Variants in PLXDC2 observed in about 807,000 individuals in gnomAD.
PLXDC2 encodes the protein plexin domain containing 2.
A neutral mutation model predicts 68.9 loss-of-function variants in PLXDC2; 40 were observed. That is an observed-to-expected ratio of 0.58 (90% confidence interval 0.45 to 0.76). The LOEUF (loss-of-function observed/expected upper bound fraction) is 0.76. Among genes scored for constraint, PLXDC2 ranks in the 30% least tolerant of loss-of-function variants. The pLI is 0.00. For synonymous variants in PLXDC2, 243 were observed against 234.2 expected, an observed-to-expected ratio of 1.04 and a Z score of -0.34; for missense variants, 644 against 661.9, an observed-to-expected ratio of 0.97 and a Z score of 0.30.
intron 1 of PLXDC2, among the ~76,000 whole-genome samples, chr10:19,889,974 A>G (rs1432932269): frequency 6.6e-6 from 1 of 152,210 alleles, no homozygotes; most frequent in Non-Finnish European, 1.5e-5. Flanking sequence ...CAGGTAGAAT[A>G]AGTAGCAGAA....
intron 12 of PLXDC2, among the ~76,000 whole-genome samples, chr10:20,225,425 A>G (rs1835273472): frequency 6.6e-6 from 1 of 151,408 alleles, no homozygotes. Flanking sequence ...GAGCAAAGGG[A>G]AACTGTTATT....
intron 1 of PLXDC2, among the ~76,000 whole-genome samples, chr10:19,991,463 A>C (rs1167102544): frequency 3.9e-5 from 6 of 151,932 alleles, no homozygotes. Context: ...TTTTCAAATC[A>C]AAATATTTCA....
intron 6 of PLXDC2, among the ~76,000 whole-genome samples, chr10:20,163,340 A>G (rs1258845637): frequency 6.6e-6 from 1 of 152,220 alleles, no homozygotes; most frequent in Non-Finnish European, 1.5e-5. Context: ...TTAACAAAAT[A>G]GCCCTTTCAC....
intron 3 of PLXDC2, among the ~76,000 whole-genome samples, chr10:20,062,941 G>A (rs965324692): frequency 2.6e-5 from 4 of 151,424 alleles, no homozygotes; most frequent in Admixed American, 6.6e-5. Flanking sequence ...AATACTTGAC[G>A]TAAATAAATG....
At chr10:20,278,862 G>A (rs768932495) in intron 13 of PLXDC2, among the ~76,000 whole-genome samples, 9 of 152,134 alleles carry the variant, frequency 5.9e-5, no homozygotes, top group Non-Finnish European at 1.0e-4. Flanking sequence ...TGGAGTAATA[G>A]TTTCTAGTGT....
chr10:19,820,928 A>G (rs1836456130), intron 1 of PLXDC2, among the ~76,000 whole-genome samples: 1 of 152,092 alleles, frequency 6.6e-6, no homozygotes, highest in African/African-American at 2.4e-5. Context: ...AAATACAAAA[A>G]TTAGCCGTGT....
chr10:19,875,927 A>G (rs138493850), intron 1 of PLXDC2, among the ~76,000 whole-genome samples: 25 of 152,260 alleles, frequency 1.6e-4, no homozygotes, highest in African/African-American at 6.0e-4. Flanking sequence ...ATGTGTGCAA[A>G]AGCAGTCTAT....
intron 4 of PLXDC2, among the ~76,000 whole-genome samples, chr10:20,121,268 G>A (rs76846818): frequency 0.052 from 7,882 of 152,196 alleles, 354 homozygotes; most frequent in African/African-American, 0.12. Flanking sequence ...GAGACATGAT[G>A]GCTAGGCTAA....
At chr10:20,123,220 T>G (rs1404881939) in intron 4 of PLXDC2, among the ~76,000 whole-genome samples, 1 of 151,786 alleles carries the variant, frequency 6.6e-6, no homozygotes, top group Non-Finnish European at 1.5e-5. Flanking sequence ...AGGAGCAGCC[T>G]GGGGAGGAGG....
At chr10:19,826,720 A>T (rs773510762) in intron 1 of PLXDC2, among the ~76,000 whole-genome samples, 1 of 152,216 alleles carries the variant, frequency 6.6e-6, no homozygotes, top group African/African-American at 2.4e-5. Flanking sequence ...TTGGCTTTAA[A>T]GTTTTTATGT....
At chr10:20,275,498 G>A (rs1182367062) in intron 13 of PLXDC2, among the ~76,000 whole-genome samples, 5 of 152,216 alleles carry the variant, frequency 3.3e-5, no homozygotes, top group African/African-American at 1.2e-4. Context: ...GGCTCGGGGA[G>A]CGCACGCAAG....
At chr10:20,273,126 A>G (rs1242991083) in intron 13 of PLXDC2, among the ~76,000 whole-genome samples, 5 of 152,232 alleles carry the variant, frequency 3.3e-5, no homozygotes, top group African/African-American at 9.6e-5. Flanking sequence ...AGGCACTTCA[A>G]TTCTGCCATT....
chr10:20,075,077 A>G (rs1836415955), intron 4 of PLXDC2, among the ~76,000 whole-genome samples: 1 of 152,206 alleles, frequency 6.6e-6, no homozygotes, highest in East Asian at 1.9e-4. Context: ...ATTCTCTGAG[A>G]TAGACCTCCA....
chr10:19,940,649 A>C (rs1833804142), intron 1 of PLXDC2, among the ~76,000 whole-genome samples: 1 of 152,152 alleles, frequency 6.6e-6, no homozygotes, highest in Non-Finnish European at 1.5e-5. Context: ...CAAGAAATAA[A>C]AGAATACATG....
chr10:19,961,324 T>A (rs1232218677), intron 1 of PLXDC2, among the ~76,000 whole-genome samples: 2 of 152,268 alleles, frequency 1.3e-5, no homozygotes, highest in Non-Finnish European at 2.9e-5. Flanking sequence ...GGTACTCTGA[T>A]GATCAATGTG....
intron 1 of PLXDC2, among the ~76,000 whole-genome samples, chr10:19,857,657 A>G (rs961513326): frequency 2.6e-5 from 4 of 152,164 alleles, no homozygotes; most frequent in African/African-American, 9.7e-5. Flanking sequence ...TGAAGAAGCA[A>G]ATTGCATCAT....
In PLXDC2 at chr10:19,896,240, A is replaced by G. The variant is rs1184955957; in HGVS notation, c.112+79049A>G. Among the ~76,000 whole-genome samples the G allele has an allele frequency of 7.2e-5, 11 of 152,234 alleles. No homozygotes were observed. The East Asian group carries it at 7.7e-4, about 11-fold the overall frequency. ...ACACAGCCTTGGCTTTGTACACACA[A>G]CCTTAGCTTTGCACACACATGGAAG... On this transcript the variant is annotated intron_variant, in intron 1 of 13. Coordinates refer to ENST00000377252, the MANE Select transcript of PLXDC2 (RefSeq NM_032812.9).
intron 9 of PLXDC2, among the ~76,000 whole-genome samples, chr10:20,187,192 C>T (rs980777729): frequency 6.6e-6 from 1 of 151,762 alleles, no homozygotes; most frequent in African/African-American, 2.4e-5. Context: ...AACAATCTCA[C>T]CTTGAACAAA....
chr10:20,206,127 T>G (rs1834987842), intron 9 of PLXDC2, among the ~76,000 whole-genome samples: 1 of 152,096 alleles, frequency 6.6e-6, no homozygotes, highest in Admixed American at 6.6e-5. Context: ...AATATCACAC[T>G]GTACCTCATA....
Sources: allele counts gnomAD v4.1 joint callset (sites outside exome capture counted in the v4.1 genomes callset), GRCh38; gene constraint gnomAD v4.1.1; transcripts MANE v1.5; gene names NCBI Gene and HGNC (gene_info 2026-07-23, HGNC 2026-07-21).